The following KIF14 variants were observed in gnomAD, a reference collection of about 807,000 sequenced individuals.
KIF14 encodes kinesin family member 14.
In KIF14, 98 loss-of-function variants were observed where a neutral mutation model predicts 176.2. That is an observed-to-expected ratio of 0.56 (90% CI 0.47 to 0.66). The LOEUF (loss-of-function observed/expected upper bound fraction) is 0.66. Among genes scored for constraint, KIF14 ranks in the 30% least tolerant of loss-of-function variants. KIF14 has a pLI of 0.00. For missense variants in KIF14, 1,751 were observed against 1,920.4 expected, an observed-to-expected ratio of 0.91 and a Z score of 1.65; for synonymous variants, 566 against 632.2, an observed-to-expected ratio of 0.90 and a Z score of 1.57.
intron 18 of KIF14, among the ~76,000 whole-genome samples, chr1:200,588,440 T>C (rs763327563): frequency 1.2e-4 from 18 of 152,048 alleles, no homozygotes; most frequent in Non-Finnish European, 1.8e-4. Flanking sequence ...AGGGTTTCAC[T>C]ATGTTGGCCA....
chr1:200,611,455 G>A (rs1403791034), intron 4 of KIF14, among the ~76,000 whole-genome samples: 1 of 152,200 alleles, frequency 6.6e-6, no homozygotes, highest in Non-Finnish European at 1.5e-5. Context: ...CCAGGTATAA[G>A]GGAACACCAA....
chr1:200,564,640 C>T (rs1185357763), intron 25 of KIF14, among the ~76,000 whole-genome samples: 1 of 152,220 alleles, frequency 6.6e-6, no homozygotes, highest in Non-Finnish European at 1.5e-5. Flanking sequence ...CTCTGTCTCT[C>T]TTCCCAGTAT....
intron 4 of KIF14, among the ~76,000 whole-genome samples, chr1:200,610,487 G>T (rs1490389472): frequency 6.8e-6 from 1 of 147,196 alleles, no homozygotes; most frequent in African/African-American, 2.5e-5. Flanking sequence ...TCCAGCCTGG[G>T]TGACAGAGCG....
At position 200,580,400 on chromosome 1, in the gene KIF14, C is replaced by CAA; in HGVS notation, c.3336-19_3336-18dup. ...ATATCATGTCTGAAAGAAAAATAAA[C>CAA]AAAAAAAAGCTTATCCTGAAACATA... is the stretch of plus-strand genomic sequence containing the variant. On this transcript the variant is annotated splice_polypyrimidine_tract_variant and intron_variant, in intron 20 of 29. Transcript: ENST00000367350. The CAA allele has an allele frequency of 7.0e-7, 1 of 1,425,788 alleles. No individual in the cohort carries two copies. Among genetic ancestry groups the CAA allele is most frequent in the Non-Finnish European group, 9.3e-7 (1 of 1,080,010 alleles). The allele number at this position is 1,425,788 out of a possible 1,614,324, so 88.3% of individuals were successfully genotyped here.
intron 3 of KIF14, among the ~76,000 whole-genome samples, chr1:200,615,133 C>T (rs375614263): frequency 2.4e-4 from 36 of 152,110 alleles, no homozygotes; most frequent in East Asian, 1.7e-3. Context: ...AAAATGGGGC[C>T]AATGATAATT....
chr1:200,594,246 T>A (rs1184470979), intron 14 of KIF14, among the ~76,000 whole-genome samples: 1 of 151,864 alleles, frequency 6.6e-6, no homozygotes, highest in Non-Finnish European at 1.5e-5. Context: ...CCAATTAGAT[T>A]TTGAAGTTTG....
chr1:200,618,046 C>A lies in KIF14; in HGVS notation c.678G>T (p.Gln226His), dbSNP rs752856631. The A allele has an allele frequency of 9.9e-6, 16 of 1,614,070 alleles. No homozygotes were observed. The South Asian group carries it at 1.8e-4, about 18-fold the overall frequency. The change falls in exon 2 of 30, where the codon CAG becomes CAT. Residue 226 changes from glutamine (Q) to histidine (H), a missense_variant. Physicochemically the swap from Gln to His is conservative, Grantham distance 24. Coordinates refer to ENST00000367350, the MANE Select transcript of KIF14 (RefSeq NM_014875.3). ...SNRPPIASLSQTEVVRSGHLT... is the reference protein window; with the variant it reads ...SNRPPIASLSHTEVVRSGHLT... ...AGTGTCCTGATCTAACAACTTCAGT[C>A]TGACTCAGGGAAGCAATGGGTGGTC...
intron 19 of KIF14, among the ~76,000 whole-genome samples, chr1:200,583,949 A>T (rs1658598915): frequency 6.6e-6 from 1 of 151,582 alleles, no homozygotes; most frequent in East Asian, 1.9e-4. Flanking sequence ...TTAAAAAAAA[A>T]AAAAATAGTC....
intron 25 of KIF14, among the ~76,000 whole-genome samples, chr1:200,561,269 G>A (rs939693044): frequency 4.1e-5 from 6 of 146,938 alleles, no homozygotes; most frequent in Non-Finnish European, 9.0e-5. Flanking sequence ...TCCCGGACAC[G>A]GTGGCTCATG....
intron 4 of KIF14, among the ~76,000 whole-genome samples, chr1:200,609,366 G>A (rs918960775): frequency 2.6e-5 from 4 of 151,520 alleles, no homozygotes; most frequent in Non-Finnish European, 4.4e-5. Context: ...TAGAATTACC[G>A]GGCCGGGCAC....
chr1:200,570,349 T>C (rs1657708068), intron 22 of KIF14, among the ~76,000 whole-genome samples: 1 of 152,302 alleles, frequency 6.6e-6, no homozygotes, highest in East Asian at 1.9e-4. Context: ...AAGTGATGAA[T>C]GTGATGAAGG....
In KIF14 at chr1:200,603,898, T is replaced by C. The variant is rs774325673; in HGVS notation, c.1804A>G (p.Ile602Val). 8 of 1,613,754 alleles carry C rather than the reference T, an allele frequency of 5.0e-6. No homozygotes were observed. Among genetic ancestry groups the C allele is most frequent in the Non-Finnish European group, 5.9e-6 (7 of 1,179,790 alleles). Reference protein sequence around the residue: ...DHRITSRINLIDLAGSERCST... With the variant: ...DHRITSRINLVDLAGSERCST... ...CAGCGCTCACTGCCTGCCAGATCTA[T>C]TAGGTTAATTCGACTTGTTATTCTG... is the stretch of plus-strand genomic sequence containing the variant. The change falls in exon 9 of 30, where the codon ATA becomes GTA. Residue 602 changes from isoleucine to valine, a missense_variant. By Grantham distance (29) the Ile-to-Val change is conservative. Transcript: ENST00000367350.
chr1:200,575,987 A>G (rs113514220), intron 21 of KIF14, among the ~76,000 whole-genome samples: 1,553 of 152,320 alleles, frequency 0.01, 30 homozygotes, highest in African/African-American at 0.036. Context: ...AATCCTCAGG[A>G]GAGACATAAA....
At position 200,592,073 on chromosome 1, in the gene KIF14, T is replaced by A; in HGVS notation, c.2813+7A>T. 1 of 1,609,258 alleles carries A rather than the reference T, an allele frequency of 6.2e-7. No individual in the cohort carries two copies. Among genetic ancestry groups the A allele is most frequent in the South Asian group, 1.1e-5 (1 of 90,566 alleles). On this transcript the variant is annotated splice_region_variant and intron_variant, in intron 16 of 29. Transcript: ENST00000367350. ...CACTTACTATTTCATATCAACAGCA[T>A]ACTTACTGTGATCTCTGTGCCATGA...
At chr1:200,615,726 C>T in intron 2 of KIF14, 117 bp from the exon 3 acceptor site, 2 of 921,214 alleles carry the variant, frequency 2.2e-6, no homozygotes, top group Non-Finnish European at 3.2e-6. Context: ...CAAGATAATT[C>T]TGTAGTTTTA....
intron 22 of KIF14, among the ~76,000 whole-genome samples, chr1:200,573,427 C>CTTTTTTATTTTTTTTTTTTTTT (rs1657924303): frequency 1.3e-5 from 1 of 77,762 alleles, no homozygotes; most frequent in Admixed American, 1.6e-4. Context: ...GAGCTCATTT[C>CTTTTTTATTTTTTTTTTTTTTT]TTTTTTTTTT....
intron 11 of KIF14, among the ~76,000 whole-genome samples, chr1:200,600,955 T>C (rs1251851971): frequency 6.6e-6 from 1 of 152,188 alleles, no homozygotes; most frequent in East Asian, 1.9e-4. Flanking sequence ...CGATCTCGGC[T>C]CATTGCAACC....
intron 27 of KIF14, among the ~76,000 whole-genome samples, chr1:200,557,192 C>T (rs568591268): frequency 2.8e-4 from 43 of 152,122 alleles, no homozygotes; most frequent in African/African-American, 9.6e-4. Context: ...TTAGTAGACA[C>T]GGGGTTTCAC....
intron 6 of KIF14, among the ~76,000 whole-genome samples, chr1:200,606,346 C>A (rs1659879349): frequency 6.6e-6 from 1 of 152,138 alleles, no homozygotes; most frequent in Non-Finnish European, 1.5e-5. Context: ...TCCTAGCATG[C>A]ATCAAACTCT....
Sources: allele counts gnomAD v4.1 joint callset (sites outside exome capture counted in the v4.1 genomes callset), GRCh38; gene constraint gnomAD v4.1.1; transcripts MANE v1.5; gene names NCBI Gene and HGNC (gene_info 2026-07-23, HGNC 2026-07-21).